The following MUSK variants were observed in gnomAD, a reference collection of about 807,000 sequenced individuals.
MUSK encodes muscle associated receptor tyrosine kinase.
MUSK carries 55 observed loss-of-function variants against 88.7 expected under a neutral mutation model. The observed-to-expected ratio is 0.62, with a 90% CI of 0.50 to 0.78. The LOEUF (loss-of-function observed/expected upper bound fraction) is 0.78. Ranked by LOEUF, MUSK falls within the 30% of genes least tolerant of loss-of-function variation. The pLI is 0.00. For synonymous variants in MUSK, 387 were observed against 391.9 expected, an observed-to-expected ratio of 0.99 and a Z score of 0.15; for missense variants, 1,015 against 1,074.3, an observed-to-expected ratio of 0.94 and a Z score of 0.77.
At chr9:110,797,972 C>T (rs2078036359) in intron 14 of MUSK, among the ~76,000 whole-genome samples, 1 of 152,200 alleles carries the variant, frequency 6.6e-6, no homozygotes, top group African/African-American at 2.4e-5. Context: ...CATGCTTATA[C>T]ATCACTACTT....
intron 2 of MUSK, among the ~76,000 whole-genome samples, chr9:110,686,542 G>A (rs186986945): frequency 8.7e-4 from 133 of 152,088 alleles, no homozygotes; most frequent in Non-Finnish European, 1.7e-3. Context: ...CAAATGGTTT[G>A]CATATAATTA....
intron 8 of MUSK, among the ~76,000 whole-genome samples, chr9:110,762,698 A>G (rs986418277): frequency 2.6e-5 from 4 of 152,220 alleles, no homozygotes; most frequent in Admixed American, 1.3e-4. Context: ...TCTAACCTAT[A>G]TATAAGAAGG....
At chr9:110,710,560 T>G (rs1048805705) in intron 5 of MUSK, among the ~76,000 whole-genome samples, 2 of 152,134 alleles carry the variant, frequency 1.3e-5, no homozygotes, top group Non-Finnish European at 2.9e-5. Flanking sequence ...AGAACATAAA[T>G]CTACTTTCAA....
At chr9:110,718,009 G>A (rs2076766236) in intron 5 of MUSK, among the ~76,000 whole-genome samples, 1 of 152,086 alleles carries the variant, frequency 6.6e-6, no homozygotes, top group Non-Finnish European at 1.5e-5. Flanking sequence ...GACTTTCCCA[G>A]GCCAATGTAT....
intron 5 of MUSK, among the ~76,000 whole-genome samples, chr9:110,728,940 A>G (rs919134247): frequency 4.6e-5 from 7 of 152,050 alleles, no homozygotes; most frequent in South Asian, 4.1e-4. Flanking sequence ...AGATTGAGTT[A>G]AAAGTAATGT....
intron 11 of MUSK, among the ~76,000 whole-genome samples, chr9:110,781,712 G>A (rs2077763720): frequency 1.3e-5 from 2 of 152,150 alleles, no homozygotes; most frequent in African/African-American, 4.8e-5. Flanking sequence ...TTGGTATCTG[G>A]TGAGGACCCA....
At chr9:110,741,440 CATAAG>C (rs1249946080) in intron 6 of MUSK, among the ~76,000 whole-genome samples, 1 of 151,632 alleles carries the variant, frequency 6.6e-6, no homozygotes, top group Non-Finnish European at 1.5e-5. Context: ...AGAACTAGGA[CATAAG>C]ATAAGAAAGG....
intron 6 of MUSK, among the ~76,000 whole-genome samples, chr9:110,741,543 A>G (rs942297290): frequency 2.6e-5 from 4 of 152,282 alleles, no homozygotes; most frequent in Non-Finnish European, 5.9e-5. Context: ...AGGAAAAAAA[A>G]TGCCAAATTC....
intron 5 of MUSK, chr9:110,728,387 T>C: frequency 5.8e-6 from 2 of 344,390 alleles, no homozygotes; most frequent in Non-Finnish European, 1.1e-5. Context: ...ACTGTCAACA[T>C]TAGAATAAAA....
chr9:110,683,599 A>G (rs1369463356), intron 2 of MUSK, among the ~76,000 whole-genome samples: 1 of 152,054 alleles, frequency 6.6e-6, no homozygotes, highest in East Asian at 1.9e-4. Context: ...TCCCACATCA[A>G]CAGTGTACAA....
intron 14 of MUSK, among the ~76,000 whole-genome samples, chr9:110,798,966 C>G (rs978909949): frequency 5.9e-5 from 9 of 151,474 alleles, no homozygotes; most frequent in African/African-American, 2.2e-4. Context: ...CATTTTTTTC[C>G]AGTATAAGAA....
At position 110,787,881 on chromosome 9, in the gene MUSK, G is replaced by C. The variant is rs745669846; in HGVS notation, c.1927+43G>C. On this transcript the variant is annotated intron_variant, in intron 14 of 14. Transcript: ENST00000374448. ...AGGATATGTATTTCATCAGAAAACA[G>C]AGGCTTTCCAAGTTTTTCTCCCCTT... The C allele has an allele frequency of 5.1e-6, 8 of 1,577,982 alleles. No homozygotes were observed. In the Admixed American group the frequency reaches 1.5e-4, roughly 29 times the overall value.
rs1363517061 is a variant in MUSK, at chr9:110,689,491, TA to T, written c.358+2229del. On this transcript the variant is annotated intron_variant, in intron 3 of 14. Transcript: ENST00000374448. The stretch of plus-strand genomic sequence containing the variant: ...TATATGTAAAAAATATAAAAATATG[TA>T]AAAAATACATATTTATATATAAATA... Among the ~76,000 whole-genome samples the T allele has an allele frequency of 6.1e-3, 645 of 105,544 alleles. 15 individuals are homozygous for T. The highest frequency in any genetic ancestry group is 0.026 in the African/African-American group (609 of 22,994). The allele number at this position is 105,544 out of a possible 152,430, so 69.2% of individuals were successfully genotyped here. A position where few individuals can be genotyped will look rare whatever the true frequency, so the allele number is the denominator to read the frequency against.
At chr9:110,774,433 G>A (rs1305156849) in intron 9 of MUSK, among the ~76,000 whole-genome samples, 1 of 152,128 alleles carries the variant, frequency 6.6e-6, no homozygotes, top group African/African-American at 2.4e-5. Flanking sequence ...TGAAAACAAA[G>A]CAAACCAAAA....
intron 14 of MUSK, among the ~76,000 whole-genome samples, chr9:110,798,034 G>A (rs545437): frequency 0.087 from 13,232 of 152,162 alleles, 1,370 homozygotes; most frequent in African/African-American, 0.24. Context: ...TTATGTTGCC[G>A]TTTGTTAAAT....
At chr9:110,790,452 G>A (rs7026508) in intron 14 of MUSK, among the ~76,000 whole-genome samples, 3 of 152,202 alleles carry the variant, frequency 2.0e-5, no homozygotes, top group South Asian at 2.1e-4. Context: ...GAATGATCCC[G>A]TAAAGAGAAA....
chr9:110,716,039 T>C (rs1264462958), intron 5 of MUSK, among the ~76,000 whole-genome samples: 1 of 149,510 alleles, frequency 6.7e-6, no homozygotes, highest in Non-Finnish European at 1.5e-5. Context: ...ATTACCTAAG[T>C]GATGGGCTGA....
chr9:110,780,650 T>C lies in MUSK; in HGVS notation c.1384+3995T>C, dbSNP rs548766004. The stretch of plus-strand genomic sequence containing the variant: ...TATGGAACTCCTGAGTGACATTTCT[T>C]TGGGTGGTTTATAGATGTGATTTCA... On this transcript the variant is annotated intron_variant, in intron 11 of 14. Coordinates refer to ENST00000374448, the MANE Select transcript of MUSK (RefSeq NM_005592.4). Among the ~76,000 whole-genome samples the C allele has an allele frequency of 1.4e-4, 21 of 152,310 alleles. No individual in the cohort carries two copies. In the South Asian group the frequency reaches 4.1e-3, roughly 30 times the overall value.
intron 5 of MUSK, among the ~76,000 whole-genome samples, chr9:110,714,898 G>A (rs1356940848): frequency 7.3e-6 from 1 of 137,484 alleles, no homozygotes; most frequent in Non-Finnish European, 1.5e-5. Flanking sequence ...TTTAAGAGCA[G>A]ATTCAAATAA....
Sources: allele counts gnomAD v4.1 joint callset (sites outside exome capture counted in the v4.1 genomes callset), GRCh38; gene constraint gnomAD v4.1.1; transcripts MANE v1.5; gene names NCBI Gene and HGNC (gene_info 2026-07-23, HGNC 2026-07-21).